Variants in DRC11 observed in about 807,000 individuals in gnomAD.
DRC11 encodes the protein IQ and AAA domain-containing protein 1.
chr2:236,321,897 G>A, the DRC11 span, among the ~76,000 whole-genome samples: 2 of 152,094 alleles, frequency 1.3e-5, no homozygotes, highest in Non-Finnish European at 2.9e-5. Flanking sequence ...CTCATACAAC[G>A]GGCCCCAGTA....
chr2:236,493,157 G>GAGC, the DRC11 span, among the ~76,000 whole-genome samples: 2 of 152,136 alleles, frequency 1.3e-5, no homozygotes, highest in Non-Finnish European at 2.9e-5. Context: ...GACAGTTTGT[G>GAGC]CAGGGAAACT....
chr2:236,425,533 G>T, the DRC11 span, among the ~76,000 whole-genome samples: 1 of 151,814 alleles, frequency 6.6e-6, no homozygotes, highest in Non-Finnish European at 1.5e-5. Context: ...TATATATTTT[G>T]GAAATTAACG....
At chr2:236,338,082 C>T in the DRC11 span, 234 of 869,530 alleles carry the variant, frequency 2.7e-4, no homozygotes, top group Non-Finnish European at 3.5e-4. Context: ...CACACCCCAC[C>T]GGGTGCAGGC....
At chr2:236,345,945 C>T in the DRC11 span, among the ~76,000 whole-genome samples, 15 of 152,316 alleles carry the variant, frequency 9.8e-5, no homozygotes, top group African/African-American at 2.9e-4. Flanking sequence ...TCATTATGTA[C>T]GAAGTGGCAA....
the DRC11 span, among the ~76,000 whole-genome samples, chr2:236,498,990 C>T: frequency 1.4e-4 from 22 of 152,244 alleles, no homozygotes; most frequent in African/African-American, 4.8e-4. Flanking sequence ...AAGGAGAAAT[C>T]GAAAAATGTC....
At chr2:236,366,079 G>A in the DRC11 span, among the ~76,000 whole-genome samples, 1 of 152,206 alleles carries the variant, frequency 6.6e-6, no homozygotes. Context: ...TCTGGCAGGA[G>A]ATGAAACAGT....
the DRC11 span, among the ~76,000 whole-genome samples, chr2:236,448,951 C>T: frequency 1.3e-5 from 2 of 151,358 alleles, no homozygotes; most frequent in Non-Finnish European, 2.9e-5. This position sits in a 1 kb window ranked among gnomAD's most constrained non-coding sequence, Gnocchi z 5.3. Context: ...CCTCCGCCTC[C>T]CGGGTTCAAA....
the DRC11 span, among the ~76,000 whole-genome samples, chr2:236,388,272 C>T: frequency 6.6e-6 from 1 of 150,422 alleles, no homozygotes; most frequent in Non-Finnish European, 1.5e-5. Flanking sequence ...AACTTGGTTC[C>T]ATTCTCCCCA....
At chr2:236,362,059 A>G in the DRC11 span, among the ~76,000 whole-genome samples, 226 of 152,302 alleles carry the variant, frequency 1.5e-3, no homozygotes, top group African/African-American at 5.2e-3. The surrounding 1 kb of genome is among the most constrained non-coding windows in gnomAD (Gnocchi z 5.7). Flanking sequence ...GAAGGAAGAC[A>G]TAACAATCCT....
the DRC11 span, among the ~76,000 whole-genome samples, chr2:236,345,106 C>T: frequency 4.6e-3 from 238 of 51,848 alleles, no homozygotes; most frequent in African/African-American, 0.011. Flanking sequence ...TGGTTGTAAA[C>T]GTGCTTCCCT....
the DRC11 span, among the ~76,000 whole-genome samples, chr2:236,376,387 G>A: frequency 1.3e-5 from 2 of 152,166 alleles, no homozygotes; most frequent in African/African-American, 4.8e-5. This position sits in a 1 kb window ranked among gnomAD's most constrained non-coding sequence, Gnocchi z 5.7. Context: ...ATTTATACAG[G>A]ACATTATCAG....
At chr2:236,320,528 G>T in the DRC11 span, among the ~76,000 whole-genome samples, 1 of 152,162 alleles carries the variant, frequency 6.6e-6, no homozygotes, top group Admixed American at 6.5e-5. Context: ...CTGAACGCAG[G>T]TGTTTGGTGA....
the DRC11 span, among the ~76,000 whole-genome samples, chr2:236,348,057 T>C: frequency 6.6e-6 from 1 of 152,206 alleles, no homozygotes; most frequent in African/African-American, 2.4e-5. This position sits in a 1 kb window ranked among gnomAD's most constrained non-coding sequence, Gnocchi z 7.4. Flanking sequence ...AAAGGAACTC[T>C]CTCGTCTTCT....
chr2:236,497,563 T>A, the DRC11 span: 1 of 958,746 alleles, frequency 1.0e-6, no homozygotes, highest in Non-Finnish European at 1.5e-6. The surrounding 1 kb of genome is among the most constrained non-coding windows in gnomAD (Gnocchi z 5.1). Context: ...GGGCCTCTGG[T>A]ATAGCAAAAT....
chr2:236,439,579 C>G, the DRC11 span, among the ~76,000 whole-genome samples: 1 of 152,052 alleles, frequency 6.6e-6, no homozygotes, highest in African/African-American at 2.4e-5. Flanking sequence ...TCTGTACAAT[C>G]CTGTATAATT....
chr2:236,406,746 A>C, the DRC11 span, among the ~76,000 whole-genome samples: 14 of 151,550 alleles, frequency 9.2e-5, no homozygotes, highest in Non-Finnish European at 2.1e-4. This position sits in a 1 kb window ranked among gnomAD's most constrained non-coding sequence, Gnocchi z 4.7. Flanking sequence ...AAGGATCTCC[A>C]CTATTTTTTT....
At chr2:236,466,538 T>C in the DRC11 span, among the ~76,000 whole-genome samples, 11,004 of 152,210 alleles carry the variant, frequency 0.072, 721 homozygotes, top group African/African-American at 0.15. Context: ...GGTGCCAGCA[T>C]CTGCTTGGCT....
the DRC11 span, among the ~76,000 whole-genome samples, chr2:236,369,610 C>T: frequency 6.6e-6 from 1 of 152,178 alleles, no homozygotes; most frequent in Non-Finnish European, 1.5e-5. The surrounding 1 kb of genome is among the most constrained non-coding windows in gnomAD (Gnocchi z 4.5). Context: ...CCAGATGCAC[C>T]ATATTTTCTA....
the DRC11 span, chr2:236,367,975 T>G: frequency 3.5e-6 from 2 of 578,040 alleles, no homozygotes; most frequent in South Asian, 3.8e-5. This position sits in a 1 kb window ranked among gnomAD's most constrained non-coding sequence, Gnocchi z 4.8. Context: ...CCAGCACTGC[T>G]AAGCAGGCAC....
Sources: allele counts gnomAD v4.1 joint callset (sites outside exome capture counted in the v4.1 genomes callset), GRCh38; gene constraint gnomAD v4.1.1; non-coding constraint Gnocchi (gnomAD v3.1); transcripts MANE v1.5; gene names NCBI Gene and HGNC (gene_info 2026-07-23, HGNC 2026-07-21).